The following RTL9 variants were observed in gnomAD, a reference collection of about 807,000 sequenced individuals.
RTL9 encodes the protein retrotransposon Gag-like protein 9.
Under a neutral mutation model 44.7 loss-of-function variants are expected in RTL9, and 19 were observed. That is an observed-to-expected ratio of 0.42 (90% CI 0.30 to 0.62). The LOEUF (loss-of-function observed/expected upper bound fraction) is 0.62, where lower values mean the gene tolerates loss of function less well. Ranked by LOEUF, RTL9 falls within the 20% of genes least tolerant of loss-of-function variation. The probability of loss-of-function intolerance (pLI) is 0.16; values close to 1 mark genes in which losing one functional copy is unlikely to be tolerated. For missense variants in RTL9, 1,105 were observed against 1,080.6 expected (o/e 1.02, Z -0.32); for synonymous variants, 407 against 398.9 (o/e 1.02, Z -0.24).
At chrX:110,361,374 T>C (rs780708115) in intron 1 of RTL9, among the ~76,000 whole-genome samples, 21 of 111,724 alleles carry the variant, frequency 1.9e-4, no homozygotes, top group Non-Finnish European at 3.6e-4. Flanking sequence ...TATATTGCAC[T>C]AGCCTCTCAA....
intron 1 of RTL9, among the ~76,000 whole-genome samples, chrX:110,431,504 T>G (rs1259949579): frequency 1.8e-5 from 2 of 108,762 alleles, no homozygotes; most frequent in Non-Finnish European, 3.8e-5. Flanking sequence ...ACAATTTGCC[T>G]GGTTCCAATT....
intron 1 of RTL9, among the ~76,000 whole-genome samples, chrX:110,371,040 T>C (rs1411799449): frequency 9.0e-6 from 1 of 111,672 alleles, no homozygotes; most frequent in East Asian, 2.8e-4. Flanking sequence ...TATGGCTCTG[T>C]CTGTATAAAA....
intron 1 of RTL9, among the ~76,000 whole-genome samples, chrX:110,379,239 T>G (rs2068401495): frequency 8.9e-6 from 1 of 112,439 alleles, no homozygotes; most frequent in African/African-American, 3.2e-5. Context: ...TGGCCTACTT[T>G]CTTAGTAAAT....
At chrX:110,428,720 C>T (rs916805398) in intron 1 of RTL9, among the ~76,000 whole-genome samples, 2 of 111,517 alleles carry the variant, frequency 1.8e-5, no homozygotes, top group African/African-American at 6.5e-5. Flanking sequence ...ATTCCAGATC[C>T]TTCCTTCCCA....
chrX:110,451,639 C>A lies in RTL9; in HGVS notation c.1022C>A (p.Pro341Gln), dbSNP rs1454507377. 2 of 1,210,231 alleles carry A rather than the reference C, an allele frequency of 1.7e-6. No individual in the cohort carries two copies. The highest frequency in any genetic ancestry group is 4.4e-5 in the Admixed American group (2 of 45,854). Residue 341 changes from proline (P) to glutamine (Q), a missense_variant, in exon 1 of 2, where the codon CCA becomes CAA. By Grantham distance (76) the Pro-to-Gln change is moderately conservative. Coordinates refer to ENST00000540313, the Ensembl canonical transcript of RTL9. ...ATGTCCACATTACCAAAGCCAGCTC[C>A]AGATGCTGAAGCAATGTCCCCAGCA...
chrX:110,361,680 G>A (rs1007779558), intron 1 of RTL9, among the ~76,000 whole-genome samples: 20 of 111,938 alleles, frequency 1.8e-4, no homozygotes, highest in African/African-American at 5.5e-4. Flanking sequence ...GCGCCTTCTC[G>A]CCATTCTCTA....
At chrX:110,411,949 G>A (rs2068644363) in intron 1 of RTL9, among the ~76,000 whole-genome samples, 2 of 112,539 alleles carry the variant, frequency 1.8e-5, no homozygotes, top group African/African-American at 6.5e-5. Flanking sequence ...AGGAATAAAC[G>A]AGCTTCTGTA....
chrX:110,383,410 A>C (rs2068433864), intron 1 of RTL9, among the ~76,000 whole-genome samples: 2 of 111,726 alleles, frequency 1.8e-5, no homozygotes, highest in Admixed American at 1.9e-4. Flanking sequence ...AAAAAGTGGC[A>C]GAATCTTACA....
exon 1 of RTL9, chrX:110,452,998 C>T (rs1167379851): frequency 5.8e-6 from 7 of 1,211,466 alleles, no homozygotes; most frequent in Non-Finnish European, 7.8e-6. Flanking sequence ...GGAGAGATGT[C>T]CCTACCACTA....
intron 1 of RTL9, among the ~76,000 whole-genome samples, 199 bp downstream of exon 1, chrX:110,359,115 C>T (rs1258899668): frequency 1.8e-5 from 2 of 110,969 alleles, no homozygotes; most frequent in Non-Finnish European, 3.8e-5. Context: ...ATAACTTGTT[C>T]AAGGTCACAT....
intron 1 of RTL9, among the ~76,000 whole-genome samples, chrX:110,388,313 C>A (rs951242040): frequency 1.1e-4 from 12 of 112,014 alleles, no homozygotes; most frequent in African/African-American, 1.9e-4. Context: ...TGATAGGATT[C>A]TGAAGAACTC....
upstream of RTL9, among the ~76,000 whole-genome samples, chrX:110,446,485 C>T (rs142338707): frequency 5.2e-3 from 578 of 110,203 alleles, 3 homozygotes; most frequent in African/African-American, 0.019. Context: ...GAGAAAGAAC[C>T]CTAGGGAAAC....
intron 1 of RTL9, among the ~76,000 whole-genome samples, chrX:110,402,699 G>A (rs976011728): frequency 3.5e-5 from 4 of 112,759 alleles, no homozygotes; most frequent in Admixed American, 1.9e-4. Context: ...AGAGGGTGGA[G>A]AGGAGGACCA....
At chrX:110,408,575 C>T (rs1450141060) in intron 1 of RTL9, among the ~76,000 whole-genome samples, 2 of 112,232 alleles carry the variant, frequency 1.8e-5, no homozygotes. Flanking sequence ...TGCCCCGACC[C>T]CACAGTTTTA....
upstream of RTL9, among the ~76,000 whole-genome samples, chrX:110,414,958 A>C (rs966685955): frequency 1.8e-5 from 2 of 111,693 alleles, no homozygotes; most frequent in African/African-American, 6.5e-5. Flanking sequence ...AGAAAGAAGA[A>C]AGCATATATA....
At chrX:110,428,180 C>A (rs2148328513) in intron 1 of RTL9, among the ~76,000 whole-genome samples, 1 of 112,156 alleles carries the variant, frequency 8.9e-6, no homozygotes, top group African/African-American at 3.2e-5. Context: ...TGTGCCTTGT[C>A]TGTGGCCTTC....
At chrX:110,417,980 T>G (rs1348040222), upstream of RTL9, among the ~76,000 whole-genome samples, 1 of 112,821 alleles carries the variant, frequency 8.9e-6, no homozygotes, top group Non-Finnish European at 1.9e-5. Flanking sequence ...CAATGAATTG[T>G]GCCTGCAAAA....
At chrX:110,440,542 G>A (rs2068872778) in intron 1 of RTL9, among the ~76,000 whole-genome samples, 1 of 111,826 alleles carries the variant, frequency 8.9e-6, no homozygotes, top group South Asian at 3.8e-4. Flanking sequence ...GTTGGTGGCA[G>A]TGTCAGAGAG....
chrX:110,451,552 T>A, exon 1 of RTL9: 2 of 1,211,809 alleles, frequency 1.7e-6, no homozygotes, highest in Non-Finnish European at 2.2e-6. Flanking sequence ...TCGCTTTTAA[T>A]GTCATCTCCA....
Sources: gnomAD v4.1 joint callset for allele counts (sites outside exome capture counted in the v4.1 genomes callset) on GRCh38, gnomAD v4.1.1 for gene constraint, MANE v1.5 for transcripts, NCBI Gene and HGNC (gene_info 2026-07-23, HGNC 2026-07-21) for gene names.